Variants in GRID2 observed in about 807,000 individuals in gnomAD.
The protein encoded by GRID2 is glutamate receptor ionotropic, delta-2.
A neutral mutation model predicts 114.8 loss-of-function variants in GRID2; 33 were observed. The observed-to-expected ratio is 0.29, with a 90% CI of 0.22 to 0.38. GRID2 has a LOEUF of 0.38. Ranked by LOEUF, GRID2 falls within the 10% of genes least tolerant of loss-of-function variation. GRID2 has a pLI of 1.00. For missense variants in GRID2, 1,184 were observed against 1,257.7 expected (o/e 0.94, Z 0.89); for synonymous variants, 505 against 449.9 (o/e 1.12, Z -1.55).
intron 2 of GRID2, among the ~76,000 whole-genome samples, chr4:92,934,238 A>C (rs180952620): frequency 6.6e-6 from 1 of 151,902 alleles, no homozygotes; most frequent in East Asian, 1.9e-4. Flanking sequence ...CTCCTTGAAG[A>C]GATCCTTCAC....
intron 8 of GRID2, among the ~76,000 whole-genome samples, chr4:93,344,115 A>G (rs999948458): frequency 2.0e-5 from 3 of 152,086 alleles, no homozygotes; most frequent in Non-Finnish European, 2.9e-5. Flanking sequence ...GAAGCCTTAT[A>G]ATTGTTCCAA....
At chr4:93,207,280 A>T in intron 4 of GRID2, 124 bp from the exon 5 acceptor site, 1 of 722,260 alleles carries the variant, frequency 1.4e-6, no homozygotes, top group Non-Finnish European at 2.5e-6. Flanking sequence ...TCCATCTTCA[A>T]TTGAGTAACA....
intron 8 of GRID2, among the ~76,000 whole-genome samples, chr4:93,254,758 A>G (rs1367888854): frequency 6.6e-6 from 1 of 152,104 alleles, no homozygotes; most frequent in Non-Finnish European, 1.5e-5. Context: ...GGGAAATTGC[A>G]TATTTCTTTC....
intron 3 of GRID2, among the ~76,000 whole-genome samples, chr4:93,091,237 A>T (rs958612194): frequency 2.0e-5 from 3 of 152,090 alleles, no homozygotes; most frequent in African/African-American, 7.2e-5. Flanking sequence ...CACCCGATGT[A>T]ATGAGTGAGA....
intron 14 of GRID2, among the ~76,000 whole-genome samples, chr4:93,665,823 A>G (rs1489951625): frequency 6.6e-6 from 1 of 151,858 alleles, no homozygotes; most frequent in Non-Finnish European, 1.5e-5. Flanking sequence ...AAACCCTGAC[A>G]TGTCACTGTG....
chr4:93,077,429 TATA>T (rs970195178), intron 2 of GRID2, among the ~76,000 whole-genome samples: 3 of 152,220 alleles, frequency 2.0e-5, no homozygotes, highest in African/African-American at 7.2e-5. Context: ...TTTTATGGGA[TATA>T]ATTTTCTGGA....
chr4:92,459,478 T>C (rs746235736), intron 1 of GRID2, among the ~76,000 whole-genome samples: 2 of 152,162 alleles, frequency 1.3e-5, no homozygotes, highest in Non-Finnish European at 2.9e-5. Context: ...AAAGTACTAC[T>C]GCATGAGTAA....
intron 1 of GRID2, among the ~76,000 whole-genome samples, chr4:92,499,938 ATTTC>A (rs1310755683): frequency 2.0e-5 from 3 of 152,180 alleles, no homozygotes; most frequent in Non-Finnish European, 4.4e-5. Flanking sequence ...ATACATCCAA[ATTTC>A]TTTCTTATTC....
rs182093747 is a variant in GRID2, at chr4:93,045,145, G to A, written c.245-39850G>A. ...GCTGGAGAAAATCTGGCAGAGTGCA[G>A]AATCGACTATGTCTAATTCTGTTTC... On this transcript the variant is annotated intron_variant, in intron 2 of 15. Transcript: ENST00000282020. 1.6e-3 allele frequency among the ~76,000 whole-genome samples: 241 copies of A among 152,180 alleles called. 1 individual carries two copies. The highest frequency in any genetic ancestry group is 2.9e-3 in the South Asian group (14 of 4,818).
At chr4:93,159,135 G>A (rs936858680) in intron 4 of GRID2, among the ~76,000 whole-genome samples, 9 of 150,972 alleles carry the variant, frequency 6.0e-5, no homozygotes, top group Non-Finnish European at 1.0e-4. Context: ...AAATTTCCTA[G>A]CAGTTGCCTG....
At chr4:92,437,118 C>A (rs1044042316) in intron 1 of GRID2, among the ~76,000 whole-genome samples, 1 of 152,122 alleles carries the variant, frequency 6.6e-6, no homozygotes, top group Non-Finnish European at 1.5e-5. Context: ...GTATTTGAAT[C>A]ATGTGGGTCT....
At position 92,617,377 on chromosome 4, in the gene GRID2, T is replaced by C. The variant is rs200589949; in HGVS notation, c.244+27091T>C. Among the ~76,000 whole-genome samples the C allele has an allele frequency of 2.2e-4, 34 of 151,656 alleles. No individual in the cohort carries two copies. In the East Asian group the frequency reaches 6.4e-3, roughly 29 times the overall value. On this transcript the variant is annotated intron_variant, in intron 2 of 15. Coordinates refer to ENST00000282020, the MANE Select transcript of GRID2 (RefSeq NM_001510.4). Reference sequence around the variant, plus strand: ...TGTCCTAATGCTCTCCCTCCACTTGTCCCCCATCCCCGACAGGCCCTGCTG... The same window carrying C: ...TGTCCTAATGCTCTCCCTCCACTTGCCCCCCATCCCCGACAGGCCCTGCTG...
At chr4:92,537,302 T>C (rs1235580068) in intron 1 of GRID2, among the ~76,000 whole-genome samples, 7 of 152,142 alleles carry the variant, frequency 4.6e-5, no homozygotes, top group Admixed American at 4.6e-4. Context: ...GCTAATATTT[T>C]CCCCTAAATT....
Position 93,730,173 on chromosome 4 carries a change from A to G in GRID2, c.2361-39037A>G, listed in dbSNP as rs540082376. ...GGATGGCAATAAAGATTGAAGAGTCATCAGGTTACAAGTGGTAGTGAAATT... is the reference window on the plus strand; with the variant it reads ...GGATGGCAATAAAGATTGAAGAGTCGTCAGGTTACAAGTGGTAGTGAAATT... On this transcript the variant is annotated intron_variant, in intron 14 of 15. Coordinates refer to ENST00000282020, the MANE Select transcript of GRID2 (RefSeq NM_001510.4). 6.0e-4 allele frequency among the ~76,000 whole-genome samples: 92 copies of G among 152,324 alleles called. No individual in the cohort carries two copies. The Middle Eastern group carries it at 0.014, about 23-fold the overall frequency.
At chr4:93,637,791 C>A (rs1331107391) in intron 14 of GRID2, among the ~76,000 whole-genome samples, 2 of 152,118 alleles carry the variant, frequency 1.3e-5, no homozygotes, top group Non-Finnish European at 2.9e-5. Context: ...TTAATCAAAA[C>A]TTTAATTCTT....
At chr4:93,013,864 C>G (rs929268614) in intron 2 of GRID2, among the ~76,000 whole-genome samples, 1 of 151,522 alleles carries the variant, frequency 6.6e-6, no homozygotes, top group Non-Finnish European at 1.5e-5. Context: ...CAATTATGAA[C>G]TAGTATTTTA....
At chr4:93,479,880 T>C (rs1046731764) in intron 11 of GRID2, among the ~76,000 whole-genome samples, 6 of 152,086 alleles carry the variant, frequency 3.9e-5, no homozygotes, top group African/African-American at 1.2e-4. Flanking sequence ...CTGAATCCAG[T>C]TGACACCTAA....
intron 1 of GRID2, among the ~76,000 whole-genome samples, chr4:92,408,066 T>C (rs1355020380): frequency 6.6e-6 from 1 of 152,182 alleles, no homozygotes; most frequent in Admixed American, 6.6e-5. Context: ...TAGTTTCAAG[T>C]CTTACATTTG....
At chr4:93,609,378 G>A (rs1740690850) in intron 13 of GRID2, among the ~76,000 whole-genome samples, 1 of 85,742 alleles carries the variant, frequency 1.2e-5, no homozygotes, top group African/African-American at 4.7e-5. Context: ...TGGGCATGAA[G>A]TCCTTGCCCA....
Sources: allele counts gnomAD v4.1 joint callset (sites outside exome capture counted in the v4.1 genomes callset), GRCh38; gene constraint gnomAD v4.1.1; transcripts MANE v1.5; gene names NCBI Gene and HGNC (gene_info 2026-07-23, HGNC 2026-07-21).